The following PPFIA2 variants were observed in gnomAD, a reference collection of about 807,000 sequenced individuals.
The protein encoded by PPFIA2 is liprin-alpha-2.
PPFIA2 carries 46 observed loss-of-function variants against 175.5 expected under a neutral mutation model. The observed-to-expected ratio is 0.26, with a 90% CI of 0.21 to 0.34. The LOEUF (loss-of-function observed/expected upper bound fraction) is 0.34. Among genes scored for constraint, PPFIA2 ranks in the 10% least tolerant of loss-of-function variants. PPFIA2 has a pLI of 1.00. For synonymous variants in PPFIA2, 568 were observed against 511.4 expected, an observed-to-expected ratio of 1.11 and a Z score of -1.49; for missense variants, 1,179 against 1,506.1, an observed-to-expected ratio of 0.78 and a Z score of 3.60.
At chr12:81,542,467 G>A (rs908348602) in intron 4 of PPFIA2, among the ~76,000 whole-genome samples, 3 of 152,218 alleles carry the variant, frequency 2.0e-5, no homozygotes, top group East Asian at 1.9e-4. Context: ...AAATAGATAC[G>A]TAGAAGTTTT....
At chr12:81,685,824 A>C (rs1413074859) in intron 3 of PPFIA2, among the ~76,000 whole-genome samples, 3 of 152,084 alleles carry the variant, frequency 2.0e-5, no homozygotes, top group Non-Finnish European at 1.5e-5. Flanking sequence ...AAGTGTCTCC[A>C]GGAACTGGTT....
Position 81,445,217 on chromosome 12 carries a change from GA to G in PPFIA2, c.570+338del, listed in dbSNP as rs1220188411. ...AAGAAAGACCAAGGTGGGGGGGGGG[GA>G]GGGGGGAGAGAGAGAGAGAGAGAGA... On this transcript the variant is annotated intron_variant, in intron 6 of 32. Coordinates refer to ENST00000549396, the MANE Select transcript of PPFIA2 (RefSeq NM_003625.5). Among the ~76,000 whole-genome samples, 517 of 93,284 alleles carry G rather than the reference GA, an allele frequency of 5.5e-3. 6 individuals are homozygous for G. The highest frequency in any genetic ancestry group is 0.024 in the African/African-American group (439 of 18,384). 61.2% of individuals were successfully genotyped at this position (93,284 alleles called of 152,430 possible).
At chr12:81,513,517 A>G (rs1333599700) in intron 4 of PPFIA2, among the ~76,000 whole-genome samples, 1 of 151,932 alleles carries the variant, frequency 6.6e-6, no homozygotes, top group Non-Finnish European at 1.5e-5. Flanking sequence ...CCATCAACCC[A>G]GTGGTTAACT....
chr12:81,723,954 T>C (rs999573600), intron 3 of PPFIA2, among the ~76,000 whole-genome samples: 9 of 151,130 alleles, frequency 6.0e-5, no homozygotes, highest in Non-Finnish European at 1.3e-4. Flanking sequence ...GAGATTGAAG[T>C]ACATTTTGGG....
At chr12:81,275,222 TG>T (rs1240382845) in intron 28 of PPFIA2, among the ~76,000 whole-genome samples, 1 of 152,198 alleles carries the variant, frequency 6.6e-6, no homozygotes, top group East Asian at 1.9e-4. Context: ...TGCAGTTTCC[TG>T]GGGCCCCCAA....
At chr12:81,508,016 C>T (rs1036809491) in intron 4 of PPFIA2, among the ~76,000 whole-genome samples, 1 of 152,118 alleles carries the variant, frequency 6.6e-6, no homozygotes, top group South Asian at 2.1e-4. Context: ...GTATCTACTC[C>T]TACTTCTGAC....
At chr12:81,321,769 A>G (rs960784021) in intron 22 of PPFIA2, among the ~76,000 whole-genome samples, 10 of 152,210 alleles carry the variant, frequency 6.6e-5, no homozygotes, top group African/African-American at 2.4e-4. Flanking sequence ...ATTGTGCCCT[A>G]AAATACTCAA....
intron 4 of PPFIA2, among the ~76,000 whole-genome samples, chr12:81,501,825 T>C (rs1275602683): frequency 6.6e-6 from 1 of 152,150 alleles, no homozygotes; most frequent in Non-Finnish European, 1.5e-5. Flanking sequence ...CTTAGGCATA[T>C]GTAATGCTCC....
At chr12:81,670,556 C>T (rs1167428336) in intron 4 of PPFIA2, among the ~76,000 whole-genome samples, 2 of 151,894 alleles carry the variant, frequency 1.3e-5, no homozygotes, top group Non-Finnish European at 1.5e-5. Context: ...ATAATTGTGC[C>T]TCAATCCCAT....
intron 24 of PPFIA2, among the ~76,000 whole-genome samples, chr12:81,291,257 T>C (rs1310494580): frequency 2.0e-5 from 3 of 151,990 alleles, no homozygotes; most frequent in South Asian, 2.1e-4. Flanking sequence ...AATAAACATA[T>C]AAAACTTAAA....
At chr12:81,313,552 C>T (rs1260531170) in intron 22 of PPFIA2, among the ~76,000 whole-genome samples, 2 of 152,094 alleles carry the variant, frequency 1.3e-5, no homozygotes, top group Non-Finnish European at 2.9e-5. Flanking sequence ...TTCATAAACA[C>T]TGGCACTACA....
intron 21 of PPFIA2, among the ~76,000 whole-genome samples, chr12:81,334,475 T>C (rs1024383406): frequency 3.4e-4 from 45 of 133,782 alleles, no homozygotes; most frequent in African/African-American, 1.2e-3. Context: ...TATCTATGTC[T>C]TCTCTCCCTC....
intron 24 of PPFIA2, among the ~76,000 whole-genome samples, chr12:81,285,918 G>T (rs2043218699): frequency 6.6e-6 from 1 of 151,974 alleles, no homozygotes; most frequent in Non-Finnish European, 1.5e-5. Flanking sequence ...TCAAAAGAAG[G>T]CATTGATATC....
chr12:81,400,860 G>A (rs1037279263), intron 8 of PPFIA2, among the ~76,000 whole-genome samples: 2 of 152,134 alleles, frequency 1.3e-5, no homozygotes, highest in Non-Finnish European at 2.9e-5. Context: ...TGCCTCATTT[G>A]TTGTATGGTC....
At chr12:81,700,171 G>C (rs553349844) in intron 3 of PPFIA2, among the ~76,000 whole-genome samples, 1 of 151,822 alleles carries the variant, frequency 6.6e-6, no homozygotes, top group East Asian at 1.9e-4. Flanking sequence ...TAATCCTTTT[G>C]GATGATCTCA....
In PPFIA2 at chr12:81,739,852, T is replaced by C. The variant is rs148822797; in HGVS notation, c.249+14121A>G. ...TAACATCAATATTAACATGGGCTTATAGATTTAAAAAAGAAAAAAACAAAA... is the reference window on the plus strand; with the variant it reads ...TAACATCAATATTAACATGGGCTTACAGATTTAAAAAAGAAAAAAACAAAA... On this transcript the variant is annotated intron_variant, in intron 3 of 32. Transcript: ENST00000549396. 1.2e-3 allele frequency among the ~76,000 whole-genome samples: 178 copies of C among 152,138 alleles called. 3 individuals carry two copies. In the East Asian group the frequency reaches 0.023, roughly 20 times the overall value.
chr12:81,496,156 G>A (rs1036496219), intron 4 of PPFIA2, among the ~76,000 whole-genome samples: 5 of 152,060 alleles, frequency 3.3e-5, no homozygotes, highest in South Asian at 2.1e-4. Flanking sequence ...TCCCTCCTCC[G>A]CTTCTCTCTT....
intron 24 of PPFIA2, among the ~76,000 whole-genome samples, chr12:81,285,366 A>T (rs2043067064): frequency 6.6e-6 from 1 of 152,140 alleles, no homozygotes; most frequent in South Asian, 2.1e-4. Flanking sequence ...TTACCCAAAC[A>T]TTACAAGTCA....
rs11114838 is a variant in PPFIA2 at position 81,364,289 on chromosome 12, G to A, written c.1546-1505C>T. ...AGTATGATTGCAGAACTCAGGAATG[G>A]TAGTCCTAAAAGAGGTTGTAAACCA... On this transcript the variant is annotated intron_variant, in intron 14 of 32. Coordinates refer to ENST00000549396, the MANE Select transcript of PPFIA2 (RefSeq NM_003625.5). Among the ~76,000 whole-genome samples, 3 of 151,914 alleles carry A rather than the reference G, an allele frequency of 2.0e-5. No individual in the cohort carries two copies. The East Asian group carries it at 5.8e-4, about 29-fold the overall frequency.
Sources: allele counts gnomAD v4.1 joint callset (sites outside exome capture counted in the v4.1 genomes callset), GRCh38; gene constraint gnomAD v4.1.1; transcripts MANE v1.5; gene names NCBI Gene and HGNC (gene_info 2026-07-23, HGNC 2026-07-21).